Variants in FHIT observed in about 807,000 individuals in gnomAD.
The protein encoded by FHIT is fragile histidine triad diadenosine triphosphatase, also known as bis(5'-adenosyl)-triphosphatase.
FHIT carries 19 observed loss-of-function variants against 17.9 expected under a neutral mutation model. The ratio of observed to expected loss-of-function variants is 1.06; its 90% CI spans 0.74 to 1.56. FHIT has a LOEUF of 1.56. Ranked by LOEUF, FHIT falls within the 40% of genes most tolerant of loss-of-function variation. FHIT has a pLI of 0.00. For missense variants in FHIT, 248 were observed against 189.2 expected, an observed-to-expected ratio of 1.31 and a Z score of -1.82; for synonymous variants, 81 against 69.7, an observed-to-expected ratio of 1.16 and a Z score of -0.81.
At chr3:60,952,927 G>T (rs1283860736) in intron 3 of FHIT, among the ~76,000 whole-genome samples, 3 of 152,102 alleles carry the variant, frequency 2.0e-5, no homozygotes, top group South Asian at 2.1e-4. Flanking sequence ...TCCTTATGAG[G>T]TATCTCATGT....
intron 5 of FHIT, among the ~76,000 whole-genome samples, chr3:60,438,105 C>T (rs899051066): frequency 8.6e-5 from 13 of 151,854 alleles, no homozygotes; most frequent in Admixed American, 7.2e-4. Flanking sequence ...CTGTGGCAAC[C>T]GTACAGTCAA....
intron 5 of FHIT, among the ~76,000 whole-genome samples, chr3:60,463,555 G>C (rs1175824618): frequency 6.6e-6 from 1 of 152,064 alleles, no homozygotes; most frequent in Non-Finnish European, 1.5e-5. Flanking sequence ...CTCCTTCTCA[G>C]AACAGAGAAA....
At chr3:61,130,116 A>G (rs941704593) in intron 2 of FHIT, among the ~76,000 whole-genome samples, 4 of 152,186 alleles carry the variant, frequency 2.6e-5, no homozygotes, top group Admixed American at 1.3e-4. Context: ...GAGTCTAGTA[A>G]GAGAGATGAT....
intron 7 of FHIT, among the ~76,000 whole-genome samples, chr3:59,998,852 G>A (rs1339156039): frequency 6.6e-6 from 1 of 152,096 alleles, no homozygotes; most frequent in Non-Finnish European, 1.5e-5. Flanking sequence ...CCACTATTTA[G>A]AAATCCAATA....
chr3:59,892,235 G>A (rs1249384661), intron 8 of FHIT, among the ~76,000 whole-genome samples: 2 of 152,132 alleles, frequency 1.3e-5, no homozygotes, highest in Non-Finnish European at 2.9e-5. Context: ...ACAACAAAGC[G>A]AGCTTTGAAC....
At chr3:60,488,198 C>T (rs988407887) in intron 5 of FHIT, among the ~76,000 whole-genome samples, 9 of 152,156 alleles carry the variant, frequency 5.9e-5, no homozygotes, top group African/African-American at 1.9e-4. Context: ...AACAATCACT[C>T]GACTCCTGTG....
At chr3:60,785,392 G>A (rs1553726588) in intron 4 of FHIT, among the ~76,000 whole-genome samples, 1 of 152,088 alleles carries the variant, frequency 6.6e-6, no homozygotes, top group African/African-American at 2.4e-5. Context: ...GAAGTCCATG[G>A]GCCCATTTAC....
In FHIT at chr3:60,872,426, G is replaced by A. The variant is rs569690613; in HGVS notation, c.-110-50415C>T. On this transcript the variant is annotated intron_variant, in intron 3 of 9. Coordinates refer to ENST00000492590, the MANE Select transcript of FHIT (RefSeq NM_002012.4). Reference sequence around the variant, plus strand: ...AAGGGTAATTAGATATTTCACATCAGTGGGATATCTTTCCTTCTTTTGCTC... The same window carrying A: ...AAGGGTAATTAGATATTTCACATCAATGGGATATCTTTCCTTCTTTTGCTC... Among the ~76,000 whole-genome samples the A allele has an allele frequency of 4.6e-5, 7 of 152,208 alleles. No homozygotes were observed. The East Asian group carries it at 1.4e-3, about 29-fold the overall frequency.
At chr3:60,714,695 G>C (rs1345369825) in intron 4 of FHIT, among the ~76,000 whole-genome samples, 1 of 152,170 alleles carries the variant, frequency 6.6e-6, no homozygotes, top group Non-Finnish European at 1.5e-5. Context: ...CTGCTTCAAA[G>C]AGAAGAAAAT....
intron 3 of FHIT, among the ~76,000 whole-genome samples, chr3:60,974,489 C>T (rs371885583): frequency 3.9e-5 from 6 of 152,140 alleles, no homozygotes; most frequent in African/African-American, 1.4e-4. Context: ...GTGGTTATCA[C>T]CACGTAATGA....
chr3:61,203,665 A>T (rs2039107069), intron 1 of FHIT, among the ~76,000 whole-genome samples: 3 of 152,196 alleles, frequency 2.0e-5, no homozygotes, highest in Admixed American at 2.0e-4. Flanking sequence ...AAACAAAACA[A>T]AACAATTTTT....
At chr3:59,895,373 T>C (rs1704025458) in intron 8 of FHIT, among the ~76,000 whole-genome samples, 1 of 152,234 alleles carries the variant, frequency 6.6e-6, no homozygotes, top group Non-Finnish European at 1.5e-5. Flanking sequence ...GTGAATGCAC[T>C]ATAATAGCAG....
intron 3 of FHIT, among the ~76,000 whole-genome samples, chr3:60,835,934 TG>T (rs1702525339): frequency 6.6e-6 from 1 of 152,212 alleles, no homozygotes; most frequent in Non-Finnish European, 1.5e-5. Context: ...TTTTAAGAGT[TG>T]GTTTTGTGTT....
intron 4 of FHIT, among the ~76,000 whole-genome samples, chr3:60,550,775 T>C (rs1333429022): frequency 6.6e-6 from 1 of 152,210 alleles, no homozygotes; most frequent in African/African-American, 2.4e-5. Flanking sequence ...ATTATATACT[T>C]GCCATATTCC....
chr3:60,337,858 C>T (rs1242670368), intron 5 of FHIT, among the ~76,000 whole-genome samples: 1 of 152,162 alleles, frequency 6.6e-6, no homozygotes, highest in Non-Finnish European at 1.5e-5. Context: ...AAACAGTTTG[C>T]ATTCCTGGTC....
chr3:60,356,755 A>AAAAAAAAAAC (rs1699676577), intron 5 of FHIT, among the ~76,000 whole-genome samples: 2 of 52,164 alleles, frequency 3.8e-5, no homozygotes, highest in African/African-American at 1.5e-4. Flanking sequence ...GACAGAGACA[A>AAAAAAAAAAC]AAAAAAAAAA....
intron 3 of FHIT, among the ~76,000 whole-genome samples, chr3:60,909,723 T>C (rs1042974608): frequency 6.6e-6 from 1 of 152,196 alleles, no homozygotes; most frequent in African/African-American, 2.4e-5. Context: ...AACAACGGAA[T>C]GCGTATTTGT....
rs181175232 is a variant in FHIT, at chr3:59,791,486, C to T, written c.349-39165G>A. The stretch of plus-strand genomic sequence containing the variant: ...TTGCTTGTGCCCCTGGATCCAGCCG[C>T]GCCTGAATCAACAATACTATTAGAC... On this transcript the variant is annotated intron_variant, in intron 8 of 9. Transcript: ENST00000492590. Among the ~76,000 whole-genome samples the T allele has an allele frequency of 3.5e-3, 531 of 152,238 alleles. 3 individuals are homozygous for T. The highest frequency in any genetic ancestry group is 4.1e-3 in the Non-Finnish European group (282 of 68,022).
At chr3:59,957,875 C>T (rs1017793088) in intron 7 of FHIT, among the ~76,000 whole-genome samples, 1 of 152,156 alleles carries the variant, frequency 6.6e-6, no homozygotes, top group Non-Finnish European at 1.5e-5. Context: ...ACTCAGTAAA[C>T]AAATATTTCT....
Sources: allele counts gnomAD v4.1 joint callset (sites outside exome capture counted in the v4.1 genomes callset), GRCh38; gene constraint gnomAD v4.1.1; transcripts MANE v1.5; gene names NCBI Gene and HGNC (gene_info 2026-07-23, HGNC 2026-07-21).